The following EXOC2 variants were observed in gnomAD, a reference collection of about 807,000 sequenced individuals.
EXOC2 encodes exocyst complex component 2, also known as SEC5-like 1.
A neutral mutation model predicts 131.8 loss-of-function variants in EXOC2; 70 were observed. The observed-to-expected ratio is 0.53, with a 90% CI of 0.44 to 0.65. The LOEUF is 0.65. EXOC2 is among the 30% of genes least tolerant of loss of function. The probability of loss-of-function intolerance (pLI) is 0.00; values close to 1 mark genes in which losing one functional copy is unlikely to be tolerated. For missense variants in EXOC2, 923 were observed against 1,108.6 expected (o/e 0.83, Z 2.38); for synonymous variants, 411 against 398.4 (o/e 1.03, Z -0.38).
intron 7 of EXOC2, among the ~76,000 whole-genome samples, chr6:609,827 G>A (rs952216778): frequency 6.6e-6 from 1 of 152,138 alleles, no homozygotes; most frequent in Non-Finnish European, 1.5e-5. Flanking sequence ...CTGTTTATAT[G>A]CTGGTTGGTT....
chr6:620,173 A>G (rs1003972797), intron 4 of EXOC2, among the ~76,000 whole-genome samples: 1 of 152,220 alleles, frequency 6.6e-6, no homozygotes, highest in African/African-American at 2.4e-5. Flanking sequence ...ATTCATTTAT[A>G]TATTCGTTCG....
intron 23 of EXOC2, among the ~76,000 whole-genome samples, chr6:503,888 G>A (rs113769277): frequency 0.037 from 5,596 of 152,254 alleles, 213 homozygotes; most frequent in Admixed American, 0.084. Context: ...AGCCTGTCCC[G>A]TGGGCTCTTG....
chr6:558,790 G>T (rs886205613), intron 17 of EXOC2, among the ~76,000 whole-genome samples: 1 of 151,948 alleles, frequency 6.6e-6, no homozygotes, highest in African/African-American at 2.4e-5. Flanking sequence ...TCCAGCCTGG[G>T]TGACAGGCGA....
Position 576,765 on chromosome 6 carries a change from C to G in EXOC2, c.1310G>C (p.Arg437Pro), listed in dbSNP as rs779704625. 2 of 1,613,794 alleles carry G rather than the reference C, an allele frequency of 1.2e-6. No individual in the cohort carries two copies. The highest frequency in any genetic ancestry group is 1.7e-5 in the Admixed American group (1 of 60,008). ...TGGAGGGAGATACTTACTGTCGTCT[C>G]GACCAGACTGAAAGCTGCTGCCCCT... is the stretch of plus-strand genomic sequence containing the variant. The part of the protein sequence containing the change: ...LKRGSSFQSG[R>P]DDTWRYKTPH... The change falls in exon 12 of 28, where the codon CGA becomes CCA. Residue 437 changes from arginine (R) to proline (P), a missense_variant. Coordinates refer to ENST00000230449, the MANE Select transcript of EXOC2 (RefSeq NM_018303.6).
intron 22 of EXOC2, among the ~76,000 whole-genome samples, chr6:542,572 CAACT>C (rs370387317): frequency 2.2e-4 from 34 of 152,138 alleles, no homozygotes; most frequent in African/African-American, 7.7e-4. Flanking sequence ...CAGATGACTA[CAACT>C]AACAGGAAGA....
At chr6:575,620 A>G (rs2982493) in intron 12 of EXOC2, among the ~76,000 whole-genome samples, 1,834 of 152,254 alleles carry the variant, frequency 0.012, 31 homozygotes, top group African/African-American at 0.042. Context: ...TGCCGGCGCA[A>G]TGCTTCCTGT....
chr6:521,352 A>G (rs1265252801), intron 23 of EXOC2, among the ~76,000 whole-genome samples: 1 of 152,238 alleles, frequency 6.6e-6, no homozygotes, highest in Non-Finnish European at 1.5e-5. Flanking sequence ...GTCACTGTCC[A>G]CACTCGGAGA....
chr6:529,639 A>G (rs1411810524), intron 23 of EXOC2, among the ~76,000 whole-genome samples: 1 of 152,210 alleles, frequency 6.6e-6, no homozygotes, highest in East Asian at 1.9e-4. Flanking sequence ...ATAACCAATT[A>G]AGATAAGCAT....
rs1441401566 is a variant in EXOC2 at position 633,216 on chromosome 6, T to A, written c.119-99A>T. 2.4e-6 allele frequency: 3 copies of A among 1,271,312 alleles called. No homozygotes were observed. The Admixed American group carries it at 7.2e-5, about 31-fold the overall frequency. The allele number at this position is 1,271,312 out of a possible 1,614,324, so 78.8% of individuals were successfully genotyped here. A position where few individuals can be genotyped will look rare whatever the true frequency, so the allele number is the denominator to read the frequency against. On this transcript the variant is annotated intron_variant, in intron 2 of 27. Transcript: ENST00000230449. ...TTTTAAATCTAGTCTTGTTCAATAA[T>A]GACATTATTGAATATACCCAATATT...
intron 25 of EXOC2, among the ~76,000 whole-genome samples, chr6:494,770 T>C (rs1469938129): frequency 6.6e-6 from 1 of 152,246 alleles, no homozygotes; most frequent in African/African-American, 2.4e-5. Flanking sequence ...TATCAGTAAT[T>C]TATTCTCTTT....
At chr6:487,217 C>T (rs1763122050) in intron 27 of EXOC2, among the ~76,000 whole-genome samples, 1 of 152,154 alleles carries the variant, frequency 6.6e-6, no homozygotes, top group Admixed American at 6.6e-5. Flanking sequence ...CTTCCCTAAC[C>T]CCATCTCCCA....
intron 1 of EXOC2, among the ~76,000 whole-genome samples, chr6:649,959 T>C (rs1369786427): frequency 6.6e-6 from 1 of 152,220 alleles, no homozygotes; most frequent in Admixed American, 6.5e-5. Context: ...ACTTGAGACT[T>C]TGACTTTTTT....
intron 7 of EXOC2, among the ~76,000 whole-genome samples, chr6:604,828 C>T (rs930812034): frequency 9.9e-5 from 15 of 151,460 alleles, no homozygotes; most frequent in Admixed American, 2.0e-4. Flanking sequence ...TCCACTCAGC[C>T]GCCCACCGCC....
intron 21 of EXOC2, among the ~76,000 whole-genome samples, chr6:553,106 C>T (rs896210824): frequency 2.6e-5 from 4 of 152,026 alleles, no homozygotes; most frequent in Non-Finnish European, 5.9e-5. Context: ...TTGGTACAGA[C>T]GAGGTTTTGC....
chr6:586,751 G>C (rs1410734474), intron 11 of EXOC2, among the ~76,000 whole-genome samples: 1 of 151,814 alleles, frequency 6.6e-6, no homozygotes, highest in Non-Finnish European at 1.5e-5. Context: ...TCTGGAGGGA[G>C]TGTGATCAGG....
At chr6:639,348 C>A in intron 1 of EXOC2, among the ~76,000 whole-genome samples, 9 of 86,752 alleles carry the variant, frequency 1.0e-4, no homozygotes, top group Non-Finnish European at 7.2e-5. Flanking sequence ...CCCTCCTGCC[C>A]TTGCCACTGT....
Position 657,050 on chromosome 6 carries a change from GGC to G in EXOC2, c.-43-19191_-43-19190del, listed in dbSNP as rs200930607. The G allele has an allele frequency of 3.0e-3, 2,904 of 961,668 alleles. 58 individuals carry two copies. The African/African-American group carries it at 0.044, about 15-fold the overall frequency. 59.6% of individuals were successfully genotyped at this position (961,668 alleles called of 1,614,324 possible). On this transcript the variant is annotated intron_variant, in intron 1 of 27. Transcript: ENST00000230449. ...GCGCTGCCCTCCCCGCCCTCCCTCC[GGC>G]CCCCCAGCTAGGCAGGCACTCGGGT...
chr6:644,421 CT>C (rs1762488407), intron 1 of EXOC2, among the ~76,000 whole-genome samples: 1 of 152,076 alleles, frequency 6.6e-6, no homozygotes, highest in South Asian at 2.1e-4. Flanking sequence ...ATACAGAATG[CT>C]TTCCCCCCTT....
chr6:604,255 T>C (rs1324099760), intron 7 of EXOC2, among the ~76,000 whole-genome samples: 1 of 152,220 alleles, frequency 6.6e-6, no homozygotes, highest in Non-Finnish European at 1.5e-5. Context: ...GCCAGACATC[T>C]GTAAATCACC....
Sources: allele counts gnomAD v4.1 joint callset (sites outside exome capture counted in the v4.1 genomes callset), GRCh38; gene constraint gnomAD v4.1.1; transcripts MANE v1.5; gene names NCBI Gene and HGNC (gene_info 2026-07-23, HGNC 2026-07-21).